COG5: variants seen among roughly 807,000 people sequenced by gnomAD.
COG5 encodes conserved oligomeric Golgi complex subunit 5.
A neutral mutation model predicts 110.4 loss-of-function variants in COG5; 86 were observed. The observed-to-expected ratio is 0.78, with a 90% CI of 0.65 to 0.93. The LOEUF is 0.93. Ranked by LOEUF, COG5 falls within the 40% of genes least tolerant of loss-of-function variation. The pLI is 0.00. For missense variants in COG5, 1,077 were observed against 987.0 expected (o/e 1.09, Z -1.22); for synonymous variants, 360 against 334.6 (o/e 1.08, Z -0.83).
At chr7:107,423,601 C>T (rs1055092287) in intron 6 of COG5, among the ~76,000 whole-genome samples, 2 of 149,816 alleles carry the variant, frequency 1.3e-5, no homozygotes, top group Non-Finnish European at 3.0e-5. Context: ...GAGATATACA[C>T]AAAAGTCTTC....
chr7:107,348,812 T>C (rs1385969806), intron 10 of COG5, among the ~76,000 whole-genome samples: 1 of 152,144 alleles, frequency 6.6e-6, no homozygotes, highest in Non-Finnish European at 1.5e-5. Flanking sequence ...CTCCTAGGAA[T>C]AAAGACATTT....
At chr7:107,512,578 C>G (rs1298103587) in intron 6 of COG5, among the ~76,000 whole-genome samples, 2 of 152,160 alleles carry the variant, frequency 1.3e-5, no homozygotes, top group African/African-American at 4.8e-5. Context: ...AAAAAGAGCC[C>G]ACATTGCCAA....
chr7:107,348,314 T>G (rs1383970990), intron 10 of COG5, among the ~76,000 whole-genome samples: 1 of 151,924 alleles, frequency 6.6e-6, no homozygotes, highest in Non-Finnish European at 1.5e-5. Flanking sequence ...GTTACAGAGG[T>G]CATACTAGTT....
chr7:107,517,433 T>A (rs567206513), intron 6 of COG5, among the ~76,000 whole-genome samples: 1 of 152,084 alleles, frequency 6.6e-6, no homozygotes, highest in East Asian at 1.9e-4. Context: ...CAGGATATTA[T>A]CCAGGAGAAC....
chr7:107,533,408 G>A (rs918764811), intron 5 of COG5, among the ~76,000 whole-genome samples: 1 of 151,510 alleles, frequency 6.6e-6, no homozygotes, highest in Non-Finnish European at 1.5e-5. Context: ...ATGCAAGGAA[G>A]CTAAGAGCTT....
At chr7:107,363,564 G>C (rs1813313775) in intron 8 of COG5, among the ~76,000 whole-genome samples, 1 of 151,990 alleles carries the variant, frequency 6.6e-6, no homozygotes, top group South Asian at 2.1e-4. Context: ...AATAAATGCA[G>C]AAAGAATGAC....
intron 11 of COG5, among the ~76,000 whole-genome samples, chr7:107,304,169 A>G (rs1268779904): frequency 6.6e-6 from 1 of 152,212 alleles, no homozygotes; most frequent in Non-Finnish European, 1.5e-5. Flanking sequence ...CACTGCAAAA[A>G]GAACCCCCAC....
intron 7 of COG5, among the ~76,000 whole-genome samples, chr7:107,394,272 A>AT (rs1482243769): frequency 6.7e-6 from 1 of 150,268 alleles, no homozygotes; most frequent in Non-Finnish European, 1.5e-5. Context: ...CAGAAAAGAT[A>AT]TTTTTTAAGT....
intron 11 of COG5, among the ~76,000 whole-genome samples, chr7:107,323,680 T>TAA (rs1216578396): frequency 3.3e-5 from 5 of 152,154 alleles, no homozygotes; most frequent in Admixed American, 2.0e-4. Flanking sequence ...TAGAAATAAG[T>TAA]AGAGAGACAA....
chr7:107,417,067 A>T (rs1008436825), intron 6 of COG5, among the ~76,000 whole-genome samples: 26 of 152,280 alleles, frequency 1.7e-4, no homozygotes, highest in Non-Finnish European at 2.9e-4. Context: ...CTCCTCCTGG[A>T]TATTTATGTG....
At chr7:107,286,521 A>G (rs1805645995) in intron 12 of COG5, among the ~76,000 whole-genome samples, 1 of 152,226 alleles carries the variant, frequency 6.6e-6, no homozygotes, top group South Asian at 2.1e-4. Context: ...AAGCTGGCCA[A>G]GTACTTCAGA....
rs375194162 is a variant in COG5, at chr7:107,272,646, G to T, written c.1575+8654C>A. On this transcript the variant is annotated intron_variant, in intron 14 of 21. Transcript: ENST00000297135. ...TTTTATATGTTTTATAATTTCCTAGGATCTACAGATCCCCTAAACCCATTC... is the reference window on the plus strand; with the variant it reads ...TTTTATATGTTTTATAATTTCCTAGTATCTACAGATCCCCTAAACCCATTC... Among the ~76,000 whole-genome samples the T allele has an allele frequency of 4.6e-5, 7 of 152,136 alleles. No individual in the cohort carries two copies. The East Asian group carries it at 1.2e-3, about 25-fold the overall frequency.
At chr7:107,458,810 G>T (rs1053674685) in intron 6 of COG5, among the ~76,000 whole-genome samples, 1 of 152,056 alleles carries the variant, frequency 6.6e-6, no homozygotes, top group African/African-American at 2.4e-5. Context: ...AGTGAGCCAA[G>T]ATCATTCCAC....
chr7:107,436,212 T>C (rs2129083323), intron 6 of COG5, among the ~76,000 whole-genome samples: 1 of 152,250 alleles, frequency 6.6e-6, no homozygotes, highest in Middle Eastern at 3.4e-3. Context: ...AACTTAAATG[T>C]CCATGGACAG....
chr7:107,499,955 C>T (rs1246648041), intron 6 of COG5, among the ~76,000 whole-genome samples: 2 of 151,972 alleles, frequency 1.3e-5, no homozygotes, highest in Non-Finnish European at 2.9e-5. Context: ...TAAACCATTA[C>T]GTAAAGGAAT....
At chr7:107,489,511 G>A (rs920132459) in intron 6 of COG5, among the ~76,000 whole-genome samples, 7 of 152,058 alleles carry the variant, frequency 4.6e-5, no homozygotes, top group African/African-American at 1.7e-4. Flanking sequence ...ACAGAAGTCT[G>A]ATCCCCATTA....
intron 12 of COG5, among the ~76,000 whole-genome samples, chr7:107,289,464 G>T (rs1805977152): frequency 6.6e-6 from 1 of 151,756 alleles, no homozygotes; most frequent in South Asian, 2.1e-4. Flanking sequence ...CTTCAATATT[G>T]TTTTAACTAT....
rs116094585 is a variant in COG5, at chr7:107,462,434, G to A, written c.539-49802C>T. 5.5e-3 allele frequency among the ~76,000 whole-genome samples: 837 copies of A among 152,148 alleles called. 8 individuals are homozygous for A. Among genetic ancestry groups the A allele is most frequent in the African/African-American group, 0.019 (807 of 41,502 alleles). ...AGCATTTCTCATGGTGCAGGCTTGA[G>A]GGAAGCATGAAGCCACTGAGGGAAA... On this transcript the variant is annotated intron_variant, in intron 6 of 21. Coordinates refer to ENST00000297135, the MANE Select transcript of COG5 (RefSeq NM_006348.5).
At chr7:107,236,398 G>T in intron 18 of COG5, 52 bp downstream of exon 18, 1 of 1,252,098 alleles carries the variant, frequency 8.0e-7, no homozygotes, top group Non-Finnish European at 1.2e-6. Flanking sequence ...TCATTTAATA[G>T]ATGATATTGA....
Sources: allele counts gnomAD v4.1 joint callset (sites outside exome capture counted in the v4.1 genomes callset), GRCh38; gene constraint gnomAD v4.1.1; transcripts MANE v1.5; gene names NCBI Gene and HGNC (gene_info 2026-07-23, HGNC 2026-07-21).